ESRRG: variants seen among roughly 807,000 people sequenced by gnomAD.
ESRRG encodes the protein estrogen-related receptor gamma.
A neutral mutation model predicts 44.0 loss-of-function variants in ESRRG; 13 were observed. The ratio of observed to expected loss-of-function variants is 0.30; its 90% confidence interval spans 0.19 to 0.47. The LOEUF is 0.47. Ranked by LOEUF, ESRRG falls within the 20% of genes least tolerant of loss-of-function variation. The probability of loss-of-function intolerance (pLI) is 1.00; values close to 1 mark genes in which losing one functional copy is unlikely to be tolerated. For synonymous variants in ESRRG, 215 were observed against 214.6 expected, an observed-to-expected ratio of 1.00 and a Z score of -0.02; for missense variants, 395 against 580.6, an observed-to-expected ratio of 0.68 and a Z score of 3.29.
chr1:217,067,298 T>C (rs1364695767), intron 1 of ESRRG, among the ~76,000 whole-genome samples: 1 of 152,232 alleles, frequency 6.6e-6, no homozygotes, highest in African/African-American at 2.4e-5. Flanking sequence ...TAAAATTAAA[T>C]TGATTATTAA....
At chr1:216,763,834 A>C (rs1429919771) in intron 2 of ESRRG, among the ~76,000 whole-genome samples, 5 of 152,148 alleles carry the variant, frequency 3.3e-5, no homozygotes, top group Non-Finnish European at 7.3e-5. Flanking sequence ...TCATCTATAA[A>C]ATGGAATAAT....
chr1:216,537,992 T>G (rs2051513703), intron 5 of ESRRG, among the ~76,000 whole-genome samples: 1 of 152,124 alleles, frequency 6.6e-6, no homozygotes, highest in African/African-American at 2.4e-5. Flanking sequence ...TTGTGTGAAA[T>G]GCCTTTTCCC....
At chr1:217,122,378 C>T (rs2092831026) in intron 1 of ESRRG, among the ~76,000 whole-genome samples, 2 of 152,096 alleles carry the variant, frequency 1.3e-5, no homozygotes, top group African/African-American at 4.8e-5. Context: ...TGCATCCTGG[C>T]CCCACCTCCT....
intron 2 of ESRRG, among the ~76,000 whole-genome samples, chr1:216,870,414 G>A (rs2096243664): frequency 6.6e-6 from 1 of 151,672 alleles, no homozygotes; most frequent in African/African-American, 2.4e-5. Flanking sequence ...CTTGCATTAT[G>A]GTCATGAGAA....
At chr1:216,837,585 T>C (rs2095587519) in intron 2 of ESRRG, among the ~76,000 whole-genome samples, 1 of 152,122 alleles carries the variant, frequency 6.6e-6, no homozygotes, top group South Asian at 2.1e-4. Context: ...GGGTTGGTGC[T>C]GAGAGTCCAA....
At chr1:217,134,026 A>T (rs1037833785) in intron 1 of ESRRG, among the ~76,000 whole-genome samples, 3 of 152,076 alleles carry the variant, frequency 2.0e-5, no homozygotes, top group Non-Finnish European at 4.4e-5. Flanking sequence ...TTAACTTTGC[A>T]GTTGAGTTTT....
At position 217,084,573 on chromosome 1, in the gene ESRRG, A is replaced by T. The variant is rs2091965319; in HGVS notation, c.-106+4934T>A. 2.6e-5 allele frequency among the ~76,000 whole-genome samples: 4 copies of T among 152,230 alleles called. No homozygotes were observed. In the South Asian group the frequency reaches 8.3e-4, roughly 31 times the overall value. On this transcript the variant is annotated intron_variant, in intron 1 of 7. Coordinates refer to the ESRRG transcript ENST00000359162. Reference sequence around the variant, plus strand: ...AATAGGAATGCAAAAGTTTTGCTATACTTCACATAATGTTGGCAACCTGAA... The same window carrying T: ...AATAGGAATGCAAAAGTTTTGCTATTCTTCACATAATGTTGGCAACCTGAA...
At chr1:216,870,773 C>A (rs1380255157) in intron 2 of ESRRG, among the ~76,000 whole-genome samples, 1 of 151,930 alleles carries the variant, frequency 6.6e-6, no homozygotes, top group Non-Finnish European at 1.5e-5. Context: ...AATTCCTTTA[C>A]ATCGATTTTT....
At chr1:217,109,852 T>C (rs1327567740) in intron 1 of ESRRG, among the ~76,000 whole-genome samples, 1 of 152,100 alleles carries the variant, frequency 6.6e-6, no homozygotes, top group African/African-American at 2.4e-5. Context: ...ATGGCCACAG[T>C]TCATATTTAG....
intron 2 of ESRRG, among the ~76,000 whole-genome samples, chr1:216,800,191 A>G (rs1189789764): frequency 1.3e-5 from 2 of 152,204 alleles, no homozygotes; most frequent in African/African-American, 2.4e-5. Context: ...CTGCCCAGTC[A>G]GGAAACCATT....
chr1:216,598,730 G>GA (rs35708507), intron 3 of ESRRG, among the ~76,000 whole-genome samples: 6,947 of 148,062 alleles, frequency 0.047, 241 homozygotes, highest in African/African-American at 0.1. Flanking sequence ...GGTTTGGCTG[G>GA]AAAAAAAAAA....
At position 216,858,233 on chromosome 1, in the gene ESRRG, C is replaced by T. The variant is rs184700990; in HGVS notation, c.-14+81349G>A. Among the ~76,000 whole-genome samples the T allele has an allele frequency of 4.9e-3, 745 of 151,248 alleles. 3 individuals carry two copies. The highest frequency in any genetic ancestry group is 0.017 in the African/African-American group (712 of 41,140). ...TGGGTGGATCACGAGGTCAGGAGAT[C>T]GAGACCATCCTGGCTAACACGGTGA... On this transcript the variant is annotated intron_variant, in intron 2 of 7. Transcript: ENST00000359162.
chr1:217,089,790 G>A (rs1355917808), upstream of ESRRG: 1 of 152,096 alleles, frequency 6.6e-6, no homozygotes, highest in Non-Finnish European at 1.5e-5. Context: ...CACTCACCGA[G>A]CCGGGCTGCG....
intron 1 of ESRRG, among the ~76,000 whole-genome samples, chr1:217,014,609 C>A (rs1436277285): frequency 1.3e-5 from 2 of 152,066 alleles, no homozygotes; most frequent in Non-Finnish European, 2.9e-5. Context: ...ACAGTCATCC[C>A]AAAGAAACAT....
At chr1:216,799,809 T>C (rs1021248655) in intron 2 of ESRRG, among the ~76,000 whole-genome samples, 3 of 152,036 alleles carry the variant, frequency 2.0e-5, no homozygotes, top group African/African-American at 7.2e-5. Context: ...AACAGAAACA[T>C]TCCAGGCACT....
At chr1:216,945,291 C>A (rs985201019) in intron 1 of ESRRG, among the ~76,000 whole-genome samples, 4 of 152,036 alleles carry the variant, frequency 2.6e-5, no homozygotes, top group Non-Finnish European at 5.9e-5. Flanking sequence ...CAATCAGTAC[C>A]TATTTTCAGA....
chr1:216,517,118 T>A (rs1402842142), intron 6 of ESRRG, among the ~76,000 whole-genome samples: 1 of 152,204 alleles, frequency 6.6e-6, no homozygotes, highest in East Asian at 1.9e-4. Context: ...AAGAATATTT[T>A]GGGACAGAGA....
At chr1:216,930,094 A>G (rs564308806) in intron 2 of ESRRG, among the ~76,000 whole-genome samples, 2 of 152,304 alleles carry the variant, frequency 1.3e-5, no homozygotes, top group African/African-American at 2.4e-5. Context: ...TTAATATGTC[A>G]TCTTCCTTTC....
chr1:217,121,753 C>T lies in ESRRG; in HGVS notation c.-230+15914G>A, dbSNP rs182989917. On this transcript the variant is annotated intron_variant, in intron 1 of 8. Transcript: ENST00000366940. ...TGGTTTTAAATCCACTGGGATTTAACATCGGAGAGCCAGATTCTTGTGCCA... is the reference window on the plus strand; with the variant it reads ...TGGTTTTAAATCCACTGGGATTTAATATCGGAGAGCCAGATTCTTGTGCCA... Among the ~76,000 whole-genome samples, 336 of 152,296 alleles carry T rather than the reference C, an allele frequency of 2.2e-3. 3 individuals carry two copies. The highest frequency in any genetic ancestry group is 7.5e-3 in the African/African-American group (310 of 41,554).
Sources: allele counts gnomAD v4.1 joint callset (sites outside exome capture counted in the v4.1 genomes callset), GRCh38; gene constraint gnomAD v4.1.1; transcripts MANE v1.5; gene names NCBI Gene and HGNC (gene_info 2026-07-23, HGNC 2026-07-21).